Variants in FBXW7 observed in about 807,000 individuals in gnomAD.
The protein encoded by FBXW7 is F-box and WD repeat domain containing 7, also known as F-box/WD repeat-containing protein 7.
Under a neutral mutation model 86.3 loss-of-function variants are expected in FBXW7, and 11 were observed. The observed-to-expected ratio is 0.13, with a 90% CI of 0.08 to 0.21. FBXW7 has a LOEUF of 0.21. Ranked by LOEUF, FBXW7 falls within the 10% of genes least tolerant of loss-of-function variation. FBXW7 has a pLI of 1.00. For missense variants in FBXW7, 488 were observed against 847.4 expected (o/e 0.58, Z 5.27); for synonymous variants, 313 against 297.9 (o/e 1.05, Z -0.52).
chr4:152,410,515 C>CCAAA, intron 4 of FBXW7, among the ~76,000 whole-genome samples: 1 of 151,552 alleles, frequency 6.6e-6, no homozygotes, highest in East Asian at 1.9e-4. Flanking sequence ...TAAATTAGGG[C>CCAAA]CAAACACATT....
At chr4:152,435,094 G>A (rs993498505) in intron 2 of FBXW7, among the ~76,000 whole-genome samples, 1 of 149,024 alleles carries the variant, frequency 6.7e-6, no homozygotes, top group Non-Finnish European at 1.5e-5. Flanking sequence ...GAGGGGAGGG[G>A]AGGGGAGGGG....
Position 152,385,670 on chromosome 4 carries a change from T to C in FBXW7, c.501+25633A>G, listed in dbSNP as rs546874650. 1.4e-4 allele frequency among the ~76,000 whole-genome samples: 22 copies of C among 152,152 alleles called. No homozygotes were observed. In the South Asian group the frequency reaches 4.6e-3, roughly 32 times the overall value. On this transcript the variant is annotated intron_variant, in intron 4 of 13. Coordinates refer to ENST00000281708, the MANE Select transcript of FBXW7 (RefSeq NM_001349798.2). ...ATAAGTGAACACAATTAAGGCTGTT[T>C]GTACCTCAAATGTGGAGTTTTTTAG...
chr4:152,468,659 G>C (rs967286388), intron 2 of FBXW7, among the ~76,000 whole-genome samples: 1 of 152,072 alleles, frequency 6.6e-6, no homozygotes, highest in African/African-American at 2.4e-5. Flanking sequence ...ACTGGTAGTT[G>C]CATAACTTGG....
At chr4:152,454,799 A>C (rs1365225745) in intron 2 of FBXW7, among the ~76,000 whole-genome samples, 1 of 152,168 alleles carries the variant, frequency 6.6e-6, no homozygotes, top group African/African-American at 2.4e-5. Context: ...CTGAATGTAC[A>C]GATATTTGTA....
intron 2 of FBXW7, among the ~76,000 whole-genome samples, chr4:152,499,568 G>C (rs1746714208): frequency 6.6e-6 from 1 of 151,790 alleles, no homozygotes; most frequent in Non-Finnish European, 1.5e-5. Context: ...AGACTTATCA[G>C]TTATTGCACA....
At chr4:152,417,279 C>T (rs1185696191) in intron 2 of FBXW7, among the ~76,000 whole-genome samples, 1 of 152,150 alleles carries the variant, frequency 6.6e-6, no homozygotes, top group Non-Finnish European at 1.5e-5. Flanking sequence ...ACGTAAGGCC[C>T]AAATTTGTTC....
intron 2 of FBXW7, among the ~76,000 whole-genome samples, chr4:152,440,136 A>C (rs1005935136): frequency 5.3e-5 from 8 of 152,226 alleles, no homozygotes; most frequent in African/African-American, 7.2e-5. Flanking sequence ...CATAGGTAGA[A>C]TATGTGGCCT....
intron 7 of FBXW7, among the ~76,000 whole-genome samples, chr4:152,333,125 T>G (rs1022793257): frequency 2.6e-5 from 4 of 152,180 alleles, no homozygotes; most frequent in Admixed American, 6.6e-5. Context: ...AAATGAGATT[T>G]GTATATATTC....
intron 4 of FBXW7, among the ~76,000 whole-genome samples, chr4:152,379,487 A>G (rs1490900915): frequency 6.6e-6 from 1 of 152,132 alleles, no homozygotes; most frequent in African/African-American, 2.4e-5. Context: ...GAGGACTGCA[A>G]GACTAAAAAC....
intron 2 of FBXW7, among the ~76,000 whole-genome samples, chr4:152,415,106 T>C (rs1738305987): frequency 6.6e-6 from 1 of 152,116 alleles, no homozygotes; most frequent in Non-Finnish European, 1.5e-5. Flanking sequence ...CTTAGAGGAA[T>C]AAAAGTGGGC....
chr4:152,455,735 T>C (rs1742337887), intron 2 of FBXW7, among the ~76,000 whole-genome samples: 2 of 152,208 alleles, frequency 1.3e-5, no homozygotes, highest in Non-Finnish European at 1.5e-5. Flanking sequence ...AAATTTATTA[T>C]CTCATGGCCT....
intron 4 of FBXW7, among the ~76,000 whole-genome samples, chr4:152,357,390 G>A (rs754502437): frequency 1.2e-4 from 18 of 151,248 alleles, no homozygotes; most frequent in Non-Finnish European, 2.1e-4. Context: ...GCGCAATCTC[G>A]GCTCATTGCA....
intron 2 of FBXW7, among the ~76,000 whole-genome samples, chr4:152,465,278 TAGTA>T (rs1743299193): frequency 6.6e-6 from 1 of 152,158 alleles, no homozygotes; most frequent in African/African-American, 2.4e-5. Flanking sequence ...ATTATTATGA[TAGTA>T]AGCACACAGA....
intron 2 of FBXW7, among the ~76,000 whole-genome samples, chr4:152,523,182 A>AT (rs774749748): frequency 1.3e-5 from 2 of 152,154 alleles, no homozygotes; most frequent in Non-Finnish European, 2.9e-5. Context: ...TTCACACATT[A>AT]TCTCTTTGAG....
rs749709625 is a variant in FBXW7, at chr4:152,346,879, T to C, written c.726+51A>G. On this transcript the variant is annotated intron_variant, in intron 6 of 13. Coordinates refer to ENST00000281708, the MANE Select transcript of FBXW7 (RefSeq NM_001349798.2). ...TTTTTTACGGATGAATAATCCCTTA[T>C]TTTGCAGCAATTAAGTGAGGCATTT... 7 of 1,605,506 alleles carry C rather than the reference T, an allele frequency of 4.4e-6. No individual in the cohort carries two copies. In the South Asian group the frequency reaches 5.6e-5, roughly 13 times the overall value.
intron 2 of FBXW7, among the ~76,000 whole-genome samples, chr4:152,444,006 C>T (rs901358266): frequency 6.6e-6 from 1 of 151,592 alleles, no homozygotes; most frequent in Non-Finnish European, 1.5e-5. Flanking sequence ...TTCCTTCCAG[C>T]TCCTTCTCTA....
intron 2 of FBXW7, among the ~76,000 whole-genome samples, chr4:152,504,453 T>C (rs192924290): frequency 1.8e-4 from 27 of 152,312 alleles, no homozygotes; most frequent in African/African-American, 6.0e-4. Flanking sequence ...TCCTTTTGAA[T>C]ATAATGTCAG....
chr4:152,420,287 G>T (rs1021391712), intron 2 of FBXW7, among the ~76,000 whole-genome samples: 1 of 152,056 alleles, frequency 6.6e-6, no homozygotes, highest in African/African-American at 2.4e-5. Flanking sequence ...CAATTGTCAC[G>T]CTGTGTCAAG....
chr4:152,337,972 C>A, intron 6 of FBXW7, 36 bp from the exon 7 acceptor site: 1 of 1,577,660 alleles, frequency 6.3e-7, no homozygotes, highest in Non-Finnish European at 8.6e-7. Flanking sequence ...ATTGTTTTAA[C>A]AGATGTCCCA....
Sources: gnomAD v4.1 joint callset for allele counts (sites outside exome capture counted in the v4.1 genomes callset) on GRCh38, gnomAD v4.1.1 for gene constraint, MANE v1.5 for transcripts, NCBI Gene and HGNC (gene_info 2026-07-23, HGNC 2026-07-21) for gene names.